LMNTD2: variants seen among roughly 807,000 people sequenced by gnomAD.
The protein encoded by LMNTD2 is lamin tail domain containing 2.
LMNTD2 carries 83 observed loss-of-function variants against 70.1 expected under a neutral mutation model. The observed-to-expected ratio is 1.18, with a 90% CI of 0.99 to 1.42. LMNTD2 has a LOEUF of 1.42. LMNTD2 is among the 40% of genes most tolerant of loss of function. LMNTD2 has a pLI of 0.00. For missense variants in LMNTD2, 1,153 were observed against 905.9 expected (o/e 1.27, Z -3.50); for synonymous variants, 534 against 406.1 (o/e 1.31, Z -3.79).
chr11:558,148 G>T lies in LMNTD2; in HGVS notation c.399+13C>A, dbSNP rs1220022118. The T allele has an allele frequency of 6.2e-7, 1 of 1,612,670 alleles. No homozygotes were observed. The highest frequency in any genetic ancestry group is 8.5e-7 in the Non-Finnish European group (1 of 1,179,736). ...CACCAGGACCCTGCCCACTCCCTGT[G>T]CCCCTGCCTCACCCACTGGGCTCGC... On this transcript the variant is annotated intron_variant, in intron 4 of 13. Transcript: ENST00000329451.
chr11:555,161 G>GGGGA, intron 13 of LMNTD2, 50 bp from the exon 14 acceptor site: 1 of 591,348 alleles, frequency 1.7e-6, no homozygotes, highest in Non-Finnish European at 2.4e-6. Context: ...GGGGACGGGA[G>GGGGA]GGGAGGGGAG....
In LMNTD2 at chr11:558,670, G is replaced by A. The variant is rs368260494; in HGVS notation, c.255C>T (p.Gly85=). 18 of 1,605,136 alleles carry A rather than the reference G, an allele frequency of 1.1e-5. No individual in the cohort carries two copies. Among genetic ancestry groups the A allele is most frequent in the African/African-American group, 1.3e-5 (1 of 74,798 alleles). The change falls in exon 3 of 14, where the codon GGC becomes GGT. Residue 85 remains glycine (G), a synonymous_variant. Coordinates refer to ENST00000329451, the MANE Select transcript of LMNTD2 (RefSeq NM_173573.3). ...GGATGTGGCAGAGCCGGGCGTCCTC[G>A]CCATTCTGGATGGCCCACCGCAAGG... ...IQALRWAIQN[G]EDARLCHILE... is the part of the protein sequence containing the mutation.
intron 9 of LMNTD2, 32 bp from the exon 10 acceptor site, chr11:556,407 C>A (rs757949270): frequency 1.9e-6 from 3 of 1,539,576 alleles, no homozygotes; most frequent in South Asian, 1.2e-5. Flanking sequence ...TGAGGAGATG[C>A]GGCCGGTCCA....
At chr11:557,250 A>G (rs894659382) in intron 7 of LMNTD2, 149 bp downstream of exon 7, 15 of 1,370,678 alleles carry the variant, frequency 1.1e-5, no homozygotes, top group Non-Finnish European at 1.5e-5. Flanking sequence ...CCTCAACCCC[A>G]ACGCATTCTA....
chr11:558,856 T>G lies in LMNTD2; in HGVS notation c.158A>C (p.Gln53Pro). The change falls in exon 2 of 14, where the codon CAG (glutamine) becomes CCG (proline). Residue 53 changes from glutamine to proline, a missense_variant and splice_region_variant. By Grantham distance (76) the Gln-to-Pro change is moderately conservative. Coordinates refer to ENST00000329451, the MANE Select transcript of LMNTD2 (RefSeq NM_173573.3). ...CACCAGTCCTCCCTCTCCTCCTTACTGCGGGTCGGCAGAGCAGACCACCGG... is the reference window on the plus strand; with the variant it reads ...CACCAGTCCTCCCTCTCCTCCTTACGGCGGGTCGGCAGAGCAGACCACCGG... ...PAPVVCSADP[Q>P]LALESLDPRT... 1 of 1,600,798 alleles carries G rather than the reference T, an allele frequency of 6.2e-7. No homozygotes were observed. Among genetic ancestry groups the G allele is most frequent in the East Asian group, 2.2e-5 (1 of 44,484 alleles).
At position 556,915 on chromosome 11, in the gene LMNTD2, AT is replaced by A; in HGVS notation, c.895del (p.Ile299Ter). On this transcript the variant is annotated frameshift_variant, in exon 8 of 14. Transcript: ENST00000329451. LOFTEE classifies it high-confidence loss of function. Reference protein sequence around the residue: ...RPGLPSFVQVIGHPPRDHRAS... With the variant: ...RPGLPSFVQVXGHPPRDHRAS... ...GCGGTGGTCCCGGGGCGGGTGCCCT[AT>A]CACCTGCACGAAGGAAGGCAGGCCC... 1 of 1,596,698 alleles carries A rather than the reference AT, an allele frequency of 6.3e-7. No homozygotes were observed. The highest frequency in any genetic ancestry group is 1.1e-5 in the South Asian group (1 of 89,518).
intron 2 of LMNTD2, 31 bp from the exon 3 acceptor site, chr11:558,797 C>T (rs751666721): frequency 1.6e-5 from 26 of 1,598,196 alleles, no homozygotes; most frequent in Non-Finnish European, 1.2e-5. Flanking sequence ...GCTGCTTACT[C>T]AGGCCGGCCC....
At position 557,064 on chromosome 11, in the gene LMNTD2, C is replaced by T. The variant is rs1461644053; in HGVS notation, c.747G>A (p.Gly249=). 6.2e-7 allele frequency: 1 copy of T among 1,606,404 alleles called. No individual in the cohort carries two copies. ...QPRPWPQLDT[G]SPESSGKHSE... Reference sequence around the variant, plus strand: ...AATGCTTTCCAGAGGACTCTGGGCTCCCTGTGTCCAGCTGTGGCCAGGGCC... The same window carrying T: ...AATGCTTTCCAGAGGACTCTGGGCTTCCTGTGTCCAGCTGTGGCCAGGGCC... The change falls in exon 8 of 14, where the codon GGG becomes GGA. Residue 249 remains glycine (G), a synonymous_variant. Coordinates refer to ENST00000329451, the MANE Select transcript of LMNTD2 (RefSeq NM_173573.3).
Position 557,624 on chromosome 11 carries a change from GTC to G in LMNTD2, c.570_571del (p.Glu190AspfsTer10). 1.2e-6 allele frequency: 2 copies of G among 1,613,204 alleles called. No homozygotes were observed. Among genetic ancestry groups the G allele is most frequent in the East Asian group, 4.5e-5 (2 of 44,878 alleles). On this transcript the variant is annotated frameshift_variant, in exon 6 of 14. Transcript: ENST00000329451. LOFTEE classifies it high-confidence loss of function. Reference sequence around the variant, plus strand: ...AGAGAGGTCGCTTGGGTCCATCAGAGTCTCTGCCGTCACTACCTGCAAGAGGG... The same window carrying G: ...AGAGAGGTCGCTTGGGTCCATCAGAGTCTGCCGTCACTACCTGCAAGAGGG...
At position 556,890 on chromosome 11, in the gene LMNTD2, G is replaced by C; in HGVS notation, c.921C>G (p.Arg307=). ...GCACCAGCGCTTGCTCGGAGGAAGC[G>C]CGGTGGTCCCGGGGCGGGTGCCCTA... The part of the protein sequence containing the change: ...QVIGHPPRDH[R]ASSEQALVQA... Residue 307 remains arginine, a synonymous_variant, in exon 8 of 14, where the codon CGC becomes CGG. Transcript: ENST00000329451. The C allele has an allele frequency of 6.3e-7, 1 of 1,596,392 alleles. No homozygotes were observed. The highest frequency in any genetic ancestry group is 1.7e-5 in the Admixed American group (1 of 58,302).
chr11:555,857 G>A lies in LMNTD2; in HGVS notation c.1451C>T (p.Ser484Phe). The A allele has an allele frequency of 6.4e-7, 1 of 1,560,882 alleles. No homozygotes were observed. Among genetic ancestry groups the A allele is most frequent in the Non-Finnish European group, 8.6e-7 (1 of 1,159,464 alleles). The change falls in exon 12 of 14, where the codon TCC becomes TTC. Residue 484 changes from serine (S) to phenylalanine (F), a missense_variant. Ser to Phe is a radical substitution (Grantham distance 155). Coordinates refer to ENST00000329451, the MANE Select transcript of LMNTD2 (RefSeq NM_173573.3). ...CTCAGGGAGCGGGAAGCGGTCGATGGACAAGTCGGTGCCGTCGGCGAAGAC... is the reference window on the plus strand; with the variant it reads ...CTCAGGGAGCGGGAAGCGGTCGATGAACAAGTCGGTGCCGTCGGCGAAGAC... ...PRVFADGTDL[S>F]IDRFPLPEAG... is the part of the protein sequence containing the mutation.
intron 7 of LMNTD2, 34 bp downstream of exon 7, chr11:557,365 T>G: frequency 6.4e-7 from 1 of 1,562,836 alleles, no homozygotes. Context: ...CCCTCCCTTC[T>G]GGCCCCTGGG....
At position 557,154 on chromosome 11, in the gene LMNTD2, C is replaced by T. The variant is rs565620275; in HGVS notation, c.714-57G>A. ...CAGCTCCAGACCCCAGCCCTGCCCCCGTCCAGCCTCACAAGGCAGTGCAGC... is the reference window on the plus strand; with the variant it reads ...CAGCTCCAGACCCCAGCCCTGCCCCTGTCCAGCCTCACAAGGCAGTGCAGC... On this transcript the variant is annotated intron_variant, in intron 7 of 13. Coordinates refer to ENST00000329451, the MANE Select transcript of LMNTD2 (RefSeq NM_173573.3). 3.3e-4 allele frequency: 500 copies of T among 1,508,756 alleles called. 1 individual carries two copies. In the Admixed American group the frequency reaches 3.5e-3, roughly 10 times the overall value. The allele number at this position is 1,508,756 out of a possible 1,614,324, so 93.5% of individuals were successfully genotyped here.
At chr11:557,682 C>T (rs750580837) in intron 5 of LMNTD2, 42 bp from the exon 6 acceptor site, 52 of 1,612,462 alleles carry the variant, frequency 3.2e-5, no homozygotes, top group Non-Finnish European at 7.6e-6. Flanking sequence ...GGGCTGGGTG[C>T]TCCCCTACAG....
Position 555,361 on chromosome 11 carries a change from C to A in LMNTD2, c.1717G>T (p.Ala573Ser). 1 of 1,412,274 alleles carries A rather than the reference C, an allele frequency of 7.1e-7. No individual in the cohort carries two copies. Among genetic ancestry groups the A allele is most frequent in the Non-Finnish European group, 9.2e-7 (1 of 1,085,546 alleles). The allele number at this position is 1,412,274 out of a possible 1,614,324, so 87.5% of individuals were successfully genotyped here. The change falls in exon 13 of 14, where the codon GCA (alanine) becomes TCA (serine). Residue 573 changes from alanine to serine, a missense_variant. Physicochemically the swap from Ala to Ser is moderately conservative, Grantham distance 99 (BLOSUM62 1). Coordinates refer to ENST00000329451, the MANE Select transcript of LMNTD2 (RefSeq NM_173573.3). ...PGDPTLPSPP[A>S]EAGLGLEDCR... ...TCCTCCAGGCCCAGCCCGGCCTCTG[C>A]GGGAGGCGACGGCAGGGTGGGGTCA...
rs764092481 is a variant in LMNTD2, at chr11:555,967, C to A, written c.1377+29G>T. 3 of 1,552,778 alleles carry A rather than the reference C, an allele frequency of 1.9e-6. No homozygotes were observed. The South Asian group carries it at 3.5e-5, about 18-fold the overall frequency. On this transcript the variant is annotated intron_variant, in intron 11 of 13. Transcript: ENST00000329451. ...GTCGGTCACCCCCACACCCCAGCCCCGGCCGCCCCACCGGGGACCCGCACC... is the reference window on the plus strand; with the variant it reads ...GTCGGTCACCCCCACACCCCAGCCCAGGCCGCCCCACCGGGGACCCGCACC...
In LMNTD2 at chr11:556,231, G is replaced by A. The variant is rs1184589696; in HGVS notation, c.1218C>T (p.Phe406=). Residue 406 remains phenylalanine, a synonymous_variant, in exon 10 of 14, where the codon TTC becomes TTT. Coordinates refer to ENST00000329451, the MANE Select transcript of LMNTD2 (RefSeq NM_173573.3). ...GCGGGGCCAGCAGCGTGCCCGGCGG[G>A]AAGCGGTACAGGCGCTCCGGGAAGC... The part of the protein sequence containing the change: ...VRGFPERLYR[F]PPGTLLAPRH... 3 of 1,499,578 alleles carry A rather than the reference G, an allele frequency of 2.0e-6. No individual in the cohort carries two copies. The highest frequency in any genetic ancestry group is 1.9e-4 in the Middle Eastern group (1 of 5,130). 92.9% of individuals were successfully genotyped at this position (1,499,578 alleles called of 1,614,324 possible).
Position 555,398 on chromosome 11 carries a change from G to C in LMNTD2, c.1680C>G (p.Pro560=), listed in dbSNP as rs775221939. ...GCAGGGTGGGGTCACCCGGGATGGC[G>C]GGCAGGTGCTGCGGCGCGGGGATCT... The part of the protein sequence containing the change: ...NPEIPAPQHL[P]AIPGDPTLPS... The change falls in exon 13 of 14, where the codon CCC becomes CCG. Residue 560 remains proline, a synonymous_variant. Transcript: ENST00000329451. The C allele has an allele frequency of 3.6e-6, 5 of 1,404,092 alleles. No homozygotes were observed. Among genetic ancestry groups the C allele is most frequent in the South Asian group, 3.3e-5 (2 of 61,352 alleles). The allele number at this position is 1,404,092 out of a possible 1,614,324, so 87.0% of individuals were successfully genotyped here. A position where few individuals can be genotyped will look rare whatever the true frequency, so the allele number is the denominator to read the frequency against.
chr11:559,423 G>A (rs1167797326), intron 1 of LMNTD2: 7 of 1,307,814 alleles, frequency 5.4e-6, no homozygotes, highest in Non-Finnish European at 7.1e-6. Flanking sequence ...CCCAGAAGGG[G>A]TGGGGCTGTT....
Sources: allele counts gnomAD v4.1 joint callset, GRCh38; gene constraint gnomAD v4.1.1; transcripts MANE v1.5; gene names NCBI Gene and HGNC (gene_info 2026-07-23, HGNC 2026-07-21).